FOXJ3: variants seen among roughly 807,000 people sequenced by gnomAD.
FOXJ3 encodes the protein forkhead box J3.
In FOXJ3, 22 loss-of-function variants were observed where a neutral mutation model predicts 76.1. The observed-to-expected ratio is 0.29, with a 90% CI of 0.21 to 0.41. The LOEUF (loss-of-function observed/expected upper bound fraction) is 0.41, where lower values mean the gene tolerates loss of function less well. FOXJ3 is among the 10% of genes least tolerant of loss of function. The pLI is 1.00. For synonymous variants in FOXJ3, 269 were observed against 261.2 expected (o/e 1.03, Z -0.29); for missense variants, 613 against 762.1 (o/e 0.80, Z 2.30).
At chr1:42,312,799 T>G (rs534882924) in intron 1 of FOXJ3, among the ~76,000 whole-genome samples, 7 of 152,346 alleles carry the variant, frequency 4.6e-5, no homozygotes, top group Non-Finnish European at 7.4e-5. Context: ...GTTCAGATCT[T>G]AACCAAGAGA....
chr1:42,293,185 T>C (rs1335153399), intron 2 of FOXJ3, among the ~76,000 whole-genome samples: 3 of 152,118 alleles, frequency 2.0e-5, no homozygotes, highest in Non-Finnish European at 2.9e-5. Context: ...CAAACAAATA[T>C]TTGTGATTAG....
chr1:42,218,367 C>T (rs529699617), intron 5 of FOXJ3, among the ~76,000 whole-genome samples: 1 of 152,260 alleles, frequency 6.6e-6, no homozygotes, highest in Admixed American at 6.5e-5. Context: ...AGTTCTTTTA[C>T]TGATTATACT....
intron 1 of FOXJ3, among the ~76,000 whole-genome samples, chr1:42,332,860 G>C (rs1656243073): frequency 6.6e-6 from 1 of 152,090 alleles, no homozygotes; most frequent in African/African-American, 2.4e-5. Flanking sequence ...TTTCTCAAAT[G>C]TCCCTTACAC....
chr1:42,181,393 C>T (rs1339003292), intron 12 of FOXJ3, among the ~76,000 whole-genome samples: 1 of 152,188 alleles, frequency 6.6e-6, no homozygotes, highest in African/African-American at 2.4e-5. Flanking sequence ...CTACAAGGTA[C>T]TTCCCTGGAA....
At position 42,311,046 on chromosome 1, in the gene FOXJ3, T is replaced by C; in HGVS notation, c.44+4A>G. The stretch of plus-strand genomic sequence containing the variant: ...TAATAAAGAAAAAAAAAAAGAGCAC[T>C]CACCTTAATGAAGTTACAGATGGAC... On this transcript the variant is annotated splice_donor_region_variant and intron_variant, in intron 2 of 12. Transcript: ENST00000361346. The C allele has an allele frequency of 6.4e-7, 1 of 1,566,544 alleles. No homozygotes were observed. The highest frequency in any genetic ancestry group is 1.4e-5 in the African/African-American group (1 of 72,362).
intron 4 of FOXJ3, among the ~76,000 whole-genome samples, chr1:42,231,248 C>T (rs927241509): frequency 2.0e-5 from 3 of 152,128 alleles, no homozygotes; most frequent in Admixed American, 6.5e-5. Flanking sequence ...ATGGCGTGAA[C>T]CCAGAAGGCA....
chr1:42,207,384 T>C (rs1223160514), intron 5 of FOXJ3, among the ~76,000 whole-genome samples: 1 of 152,242 alleles, frequency 6.6e-6, no homozygotes, highest in East Asian at 1.9e-4. Context: ...ATGTACTGTT[T>C]AGAGTTAACA....
At chr1:42,323,745 T>C (rs1342524179) in intron 1 of FOXJ3, 2 of 919,322 alleles carry the variant, frequency 2.2e-6, no homozygotes, top group Non-Finnish European at 2.6e-6. Context: ...AAGAGATATA[T>C]GCTGAATAAT....
At chr1:42,239,376 G>GTCTTGT (rs1648950169) in intron 4 of FOXJ3, among the ~76,000 whole-genome samples, 1 of 151,986 alleles carries the variant, frequency 6.6e-6, no homozygotes, top group African/African-American at 2.4e-5. Flanking sequence ...TCATAAATGC[G>GTCTTGT]TCTCATCAAG....
chr1:42,331,387 A>G (rs1007852507), intron 1 of FOXJ3, among the ~76,000 whole-genome samples: 1 of 152,144 alleles, frequency 6.6e-6, no homozygotes, highest in Admixed American at 6.5e-5. Context: ...GTCTCAAATA[A>G]TAATAATAAT....
chr1:42,288,546 AGTGTT>A (rs969307094), intron 2 of FOXJ3, among the ~76,000 whole-genome samples: 6 of 152,174 alleles, frequency 3.9e-5, no homozygotes, highest in Admixed American at 3.9e-4. Flanking sequence ...CTTGTCTTTT[AGTGTT>A]AAGTATGATG....
intron 4 of FOXJ3, among the ~76,000 whole-genome samples, chr1:42,245,166 CAA>C (rs4019583): frequency 0.044 from 5,357 of 122,088 alleles, 163 homozygotes; most frequent in African/African-American, 0.11. Flanking sequence ...AGACTCGTCT[CAA>C]AAAAAAAAAA....
intron 8 of FOXJ3, among the ~76,000 whole-genome samples, chr1:42,194,221 C>T (rs1646606714): frequency 6.6e-6 from 1 of 152,192 alleles, no homozygotes; most frequent in African/African-American, 2.4e-5. Context: ...CAATTTCTGA[C>T]AATTCATCTC....
In FOXJ3 at chr1:42,269,972, T is replaced by C. The variant is rs146167009; in HGVS notation, c.370-4783A>G. Among the ~76,000 whole-genome samples, 24 of 152,280 alleles carry C rather than the reference T, an allele frequency of 1.6e-4. No homozygotes were observed. The East Asian group carries it at 1.9e-3, about 12-fold the overall frequency. On this transcript the variant is annotated intron_variant, in intron 3 of 12. Transcript: ENST00000361346. ...AGAGTTATGTCTTCACAATGCAATT[T>C]TGGTGTTACCCCTTAACTTAAAAAC...
intron 5 of FOXJ3, among the ~76,000 whole-genome samples, chr1:42,214,422 A>T (rs1647025689): frequency 6.6e-6 from 1 of 152,164 alleles, no homozygotes; most frequent in South Asian, 2.1e-4. Flanking sequence ...CTGGACAAAG[A>T]AAGTATCGAT....
At chr1:42,245,660 AC>A (rs1177269293) in intron 4 of FOXJ3, among the ~76,000 whole-genome samples, 2 of 152,126 alleles carry the variant, frequency 1.3e-5, no homozygotes, top group Non-Finnish European at 2.9e-5. Flanking sequence ...CATAACAAAA[AC>A]ACACCTCAAC....
chr1:42,322,618 A>C (rs1290064489), intron 1 of FOXJ3, among the ~76,000 whole-genome samples: 1 of 152,082 alleles, frequency 6.6e-6, no homozygotes, highest in Non-Finnish European at 1.5e-5. Context: ...ATGGATAATT[A>C]ATTTTTTTCT....
chr1:42,178,258 A>G lies in FOXJ3; in HGVS notation c.*1452T>C, dbSNP rs1283325198. On this transcript the variant is annotated 3_prime_UTR_variant, in exon 13 of 13. Coordinates refer to ENST00000361346, the MANE Select transcript of FOXJ3 (RefSeq NM_014947.5). Reference sequence around the variant, plus strand: ...AGCAAATAAAACTGTAAGTGGCTCTATCCTCCTTTCAAGACAACCTAGATG... The same window carrying G: ...AGCAAATAAAACTGTAAGTGGCTCTGTCCTCCTTTCAAGACAACCTAGATG... The G allele has an allele frequency of 1.3e-5, 2 of 152,256 alleles. No individual in the cohort carries two copies. The highest frequency in any genetic ancestry group is 1.3e-4 in the Admixed American group (2 of 15,290). 9.4% of individuals were successfully genotyped at this position (152,256 alleles called of 1,614,324 possible).
intron 12 of FOXJ3, 52 bp downstream of exon 12, chr1:42,181,863 GCT>G (rs922253283): frequency 1.6e-5 from 18 of 1,092,846 alleles, no homozygotes; most frequent in East Asian, 2.5e-5. Flanking sequence ...TTCCTGGAGT[GCT>G]CACACACACA....
Sources: allele counts gnomAD v4.1 joint callset (sites outside exome capture counted in the v4.1 genomes callset), GRCh38; gene constraint gnomAD v4.1.1; transcripts MANE v1.5; gene names NCBI Gene and HGNC (gene_info 2026-07-23, HGNC 2026-07-21).